The following LRP1B variants were observed in gnomAD, a reference collection of about 807,000 sequenced individuals.
LRP1B encodes the protein LDL receptor related protein 1B, also known as low-density lipoprotein receptor-related protein 1B.
In LRP1B, 217 loss-of-function variants were observed where a neutral mutation model predicts 556.6. The ratio of observed to expected loss-of-function variants is 0.39; its 90% confidence interval spans 0.35 to 0.44. The LOEUF is 0.44. Ranked by LOEUF, LRP1B falls within the 20% of genes least tolerant of loss-of-function variation. LRP1B has a pLI of 1.00. For synonymous variants in LRP1B, 2,047 were observed against 1,865.8 expected, an observed-to-expected ratio of 1.10 and a Z score of -2.50; for missense variants, 5,053 against 5,620.8, an observed-to-expected ratio of 0.90 and a Z score of 3.23.
intron 18 of LRP1B, among the ~76,000 whole-genome samples, chr2:140,974,320 T>C (rs986702888): frequency 2.0e-5 from 3 of 152,172 alleles, no homozygotes; most frequent in Non-Finnish European, 2.9e-5. Context: ...AATTCCTATA[T>C]TGGAAAAGAG....
At chr2:141,753,743 C>T (rs895212259) in intron 2 of LRP1B, among the ~76,000 whole-genome samples, 11 of 152,126 alleles carry the variant, frequency 7.2e-5, no homozygotes, top group Non-Finnish European at 1.5e-4. Flanking sequence ...GATACTTTCT[C>T]CGATCTACTG....
chr2:141,358,460 CAG>C (rs1473114911), intron 3 of LRP1B, among the ~76,000 whole-genome samples: 1 of 152,148 alleles, frequency 6.6e-6, no homozygotes, highest in Non-Finnish European at 1.5e-5. Flanking sequence ...TGGCTGCTGC[CAG>C]AGTGGCCACC....
chr2:140,859,802 G>A (rs1353102017), intron 27 of LRP1B, among the ~76,000 whole-genome samples: 1 of 151,934 alleles, frequency 6.6e-6, no homozygotes, highest in Non-Finnish European at 1.5e-5. Flanking sequence ...AGACCATCCT[G>A]GCTAACACGG....
At chr2:140,559,627 T>C (rs892003533) in intron 43 of LRP1B, among the ~76,000 whole-genome samples, 4 of 152,054 alleles carry the variant, frequency 2.6e-5, no homozygotes, top group Non-Finnish European at 5.9e-5. Flanking sequence ...CAAGAGAACA[T>C]GGGAGTACAC....
At chr2:140,663,507 T>A (rs1685167263) in intron 41 of LRP1B, among the ~76,000 whole-genome samples, 1 of 152,202 alleles carries the variant, frequency 6.6e-6, no homozygotes, top group African/African-American at 2.4e-5. Context: ...CTTCTGTTCT[T>A]AAACCTCATG....
intron 41 of LRP1B, among the ~76,000 whole-genome samples, chr2:140,666,436 C>A (rs1386520033): frequency 6.6e-6 from 1 of 151,996 alleles, no homozygotes; most frequent in Admixed American, 6.6e-5. Flanking sequence ...ACTGAAACTC[C>A]TCTGTCTTAT....
intron 66 of LRP1B, among the ~76,000 whole-genome samples, chr2:140,432,350 C>G (rs1685986896): frequency 6.6e-6 from 1 of 152,200 alleles, no homozygotes; most frequent in Non-Finnish European, 1.5e-5. Flanking sequence ...AAACAAACAG[C>G]CTTGTTGCTC....
Position 141,417,598 on chromosome 2 carries a change from C to T in LRP1B, c.343+62798G>A, listed in dbSNP as rs183612013. 4.6e-5 allele frequency among the ~76,000 whole-genome samples: 7 copies of T among 152,220 alleles called. No individual in the cohort carries two copies. In the East Asian group the frequency reaches 1.3e-3, roughly 29 times the overall value. The stretch of plus-strand genomic sequence containing the variant: ...AATATTGCATCATATGTATAAACCA[C>T]ATTTTCTTTCTATGTTCACCATCGA... On this transcript the variant is annotated intron_variant, in intron 3 of 90. Coordinates refer to ENST00000389484, the MANE Select transcript of LRP1B (RefSeq NM_018557.3).
At chr2:141,266,973 G>A (rs557998992) in intron 3 of LRP1B, among the ~76,000 whole-genome samples, 5 of 152,256 alleles carry the variant, frequency 3.3e-5, no homozygotes, top group South Asian at 2.1e-4. Flanking sequence ...AGAAGATAAC[G>A]TAAAGCAAAA....
At chr2:140,937,076 A>G (rs1287934227) in intron 20 of LRP1B, among the ~76,000 whole-genome samples, 1 of 152,152 alleles carries the variant, frequency 6.6e-6, no homozygotes, top group Non-Finnish European at 1.5e-5. Flanking sequence ...TCCCATGATA[A>G]CCACAAAGAT....
chr2:141,140,104 A>G (rs1202028558), intron 7 of LRP1B, among the ~76,000 whole-genome samples: 1 of 152,000 alleles, frequency 6.6e-6, no homozygotes, highest in Non-Finnish European at 1.5e-5. Context: ...TGTGTGCTGT[A>G]TAATTCCATT....
chr2:140,988,119 A>G (rs991778377), intron 17 of LRP1B, among the ~76,000 whole-genome samples: 4 of 152,116 alleles, frequency 2.6e-5, no homozygotes, highest in African/African-American at 9.7e-5. Flanking sequence ...ATCATTTGGG[A>G]TAAAGAGAAA....
chr2:140,309,918 C>G (rs1684224703), intron 83 of LRP1B, among the ~76,000 whole-genome samples: 1 of 120,934 alleles, frequency 8.3e-6, no homozygotes, highest in East Asian at 2.3e-4. Flanking sequence ...GTTCTCACTT[C>G]TAAATTTTGT....
intron 8 of LRP1B, among the ~76,000 whole-genome samples, chr2:141,060,667 C>G (rs910246715): frequency 1.3e-5 from 2 of 151,694 alleles, no homozygotes; most frequent in Non-Finnish European, 2.9e-5. Context: ...GGCAATTGGT[C>G]AAGGTAGAAA....
At chr2:140,289,442 A>C (rs1245457338) in intron 84 of LRP1B, among the ~76,000 whole-genome samples, 3 of 152,040 alleles carry the variant, frequency 2.0e-5, no homozygotes, top group Non-Finnish European at 2.9e-5. Context: ...AATGTTGTTT[A>C]ATACATATCA....
intron 2 of LRP1B, among the ~76,000 whole-genome samples, chr2:141,588,897 C>CA (rs1475997952): frequency 2.6e-5 from 4 of 152,012 alleles, no homozygotes; most frequent in African/African-American, 9.7e-5. Flanking sequence ...GGGGTCAAGA[C>CA]AAAAAATAAG....
chr2:141,408,777 C>G (rs188744294), intron 3 of LRP1B, among the ~76,000 whole-genome samples: 117 of 152,194 alleles, frequency 7.7e-4, no homozygotes, highest in Non-Finnish European at 1.4e-3. Flanking sequence ...CCATGTCTTT[C>G]TCTTTCACGT....
chr2:141,351,612 A>C (rs1423465819), intron 3 of LRP1B, among the ~76,000 whole-genome samples: 3 of 152,014 alleles, frequency 2.0e-5, no homozygotes, highest in South Asian at 2.1e-4. Flanking sequence ...AAGGCCCACT[A>C]TGTATCACTA....
intron 3 of LRP1B, among the ~76,000 whole-genome samples, chr2:141,277,089 G>T (rs1274048801): frequency 1.3e-5 from 2 of 152,154 alleles, no homozygotes; most frequent in Non-Finnish European, 2.9e-5. Context: ...GAATAGTGCT[G>T]TAATAAACAT....
Sources: allele counts gnomAD v4.1 joint callset (sites outside exome capture counted in the v4.1 genomes callset), GRCh38; gene constraint gnomAD v4.1.1; transcripts MANE v1.5; gene names NCBI Gene and HGNC (gene_info 2026-07-23, HGNC 2026-07-21).